Variants in BIRC6 observed in about 807,000 individuals in gnomAD.
BIRC6 encodes baculoviral IAP repeat containing 6, also known as dual E2 ubiquitin-conjugating enzyme/E3 ubiquitin-protein ligase BIRC6.
Under a neutral mutation model 503.3 loss-of-function variants are expected in BIRC6, and 98 were observed. That is an observed-to-expected ratio of 0.19 (90% CI 0.17 to 0.23). BIRC6 has a LOEUF of 0.23. BIRC6 is among the 10% of genes least tolerant of loss of function. The probability of loss-of-function intolerance (pLI) is 1.00; values close to 1 mark genes in which losing one functional copy is unlikely to be tolerated. For synonymous variants in BIRC6, 2,240 were observed against 2,078.7 expected (o/e 1.08, Z -2.11); for missense variants, 5,360 against 5,806.0 (o/e 0.92, Z 2.50).
rs111964960 is a variant in BIRC6 at position 32,469,585 on chromosome 2, G to T, written c.6318G>T (p.Ser2106=). Residue 2106 remains serine, a synonymous_variant, in exon 30 of 74, where the codon TCG becomes TCT. Transcript: ENST00000421745. ...LSNVLQELYN[S]EQLLIFPQDR... Reference sequence around the variant, plus strand: ...ATGTCCTTCAGGAATTGTACAATTCGGAACAGCTTCTCATCTTTCCACAGG... The same window carrying T: ...ATGTCCTTCAGGAATTGTACAATTCTGAACAGCTTCTCATCTTTCCACAGG... 6 of 1,613,450 alleles carry T rather than the reference G, an allele frequency of 3.7e-6. No homozygotes were observed. Among genetic ancestry groups the T allele is most frequent in the Non-Finnish European group, 5.1e-6 (6 of 1,179,596 alleles).
chr2:32,471,748 C>CCTAA (rs904115780), intron 32 of BIRC6, among the ~76,000 whole-genome samples: 11 of 151,904 alleles, frequency 7.2e-5, no homozygotes, highest in African/African-American at 2.4e-4. Flanking sequence ...ATTTGAGATA[C>CCTAA]CTAAATCCAG....
rs771865901 is a variant in BIRC6, at chr2:32,491,576, C to T, written c.8340+18C>T. On this transcript the variant is annotated intron_variant, in intron 44 of 73. Coordinates refer to ENST00000421745, the MANE Select transcript of BIRC6 (RefSeq NM_016252.4). ...GTCCACAGGTAATATGATGTTTAGC[C>T]TGGCATATGCCCAGACTATTCAATA... 6.8e-6 allele frequency: 11 copies of T among 1,610,192 alleles called. No homozygotes were observed. Among genetic ancestry groups the T allele is most frequent in the Non-Finnish European group, 9.3e-6 (11 of 1,178,282 alleles).
intron 10 of BIRC6, among the ~76,000 whole-genome samples, chr2:32,417,051 G>T (rs1312628565): frequency 6.6e-6 from 1 of 151,980 alleles, no homozygotes; most frequent in African/African-American, 2.4e-5. Flanking sequence ...TACCCAGGCT[G>T]GTCTTGAACT....
At chr2:32,429,556 A>G (rs910237749) in intron 11 of BIRC6, among the ~76,000 whole-genome samples, 15 of 135,952 alleles carry the variant, frequency 1.1e-4, no homozygotes, top group African/African-American at 3.8e-4. Flanking sequence ...ACTGGCTCAT[A>G]TTATTAATAT....
At chr2:32,364,490 C>G (rs913738098) in intron 1 of BIRC6, among the ~76,000 whole-genome samples, 1 of 152,152 alleles carries the variant, frequency 6.6e-6, no homozygotes, top group African/African-American at 2.4e-5. Context: ...ATCCGCCCGC[C>G]CTGGCCTCCC....
chr2:32,538,184 C>T (rs1385564248), intron 61 of BIRC6, among the ~76,000 whole-genome samples: 1 of 152,032 alleles, frequency 6.6e-6, no homozygotes, highest in African/African-American at 2.4e-5. Flanking sequence ...GAGTTTGATT[C>T]TTCCCTACTG....
At chr2:32,534,155 C>T (rs1376033137) in intron 61 of BIRC6, among the ~76,000 whole-genome samples, 1 of 151,900 alleles carries the variant, frequency 6.6e-6, no homozygotes, top group Non-Finnish European at 1.5e-5. Flanking sequence ...AGGAGGGTCA[C>T]CTGAGGTCAG....
At position 32,470,272 on chromosome 2, in the gene BIRC6, C is replaced by T; in HGVS notation, c.6452C>T (p.Pro2151Leu). 1 of 1,575,320 alleles carries T rather than the reference C, an allele frequency of 6.3e-7. No homozygotes were observed. ...LLDNLLSPLQ[P>L]QLPMHRRTEG... Reference sequence around the variant, plus strand: ...GATAATTTATTGTCACCTCTTCAGCCACAGTTACCCATGCATAGGAGGACA... The same window carrying T: ...GATAATTTATTGTCACCTCTTCAGCTACAGTTACCCATGCATAGGAGGACA... Residue 2151 changes from proline to leucine, a missense_variant, in exon 31 of 74, where the codon CCA (proline) becomes CTA (leucine). Pro to Leu is a moderately conservative substitution (Grantham distance 98). Coordinates refer to ENST00000421745, the MANE Select transcript of BIRC6 (RefSeq NM_016252.4).
chr2:32,587,248 A>G (rs1455090512), intron 66 of BIRC6, among the ~76,000 whole-genome samples: 1 of 152,126 alleles, frequency 6.6e-6, no homozygotes, highest in Non-Finnish European at 1.5e-5. Context: ...TTAGCTGGGA[A>G]TGATGGTGCG....
At position 32,448,848 on chromosome 2, in the gene BIRC6, G is replaced by A. The variant is rs755789464; in HGVS notation, c.4538G>A (p.Ser1513Asn). The part of the protein sequence containing the change: ...FDPVLFDLEM[S>N]GSSCKNVYNS... The stretch of plus-strand genomic sequence containing the variant: ...CCAGTCCTCTTTGATTTGGAGATGA[G>A]TGGCTCTTCTTGTAAAAATGTTTAT... The change falls in exon 22 of 74, where the codon AGT (serine) becomes AAT (asparagine). Residue 1513 changes from serine (S) to asparagine (N), a missense_variant. Ser to Asn is a conservative substitution (Grantham distance 46, BLOSUM62 1). Around this residue, in one of 16 missense-constraint regions of BIRC6, gnomAD observed 2,299 missense variants for 2,267.2 expected, o/e 1.01. Transcript: ENST00000421745. The A allele has an allele frequency of 1.2e-6, 2 of 1,613,146 alleles. No individual in the cohort carries two copies. Among genetic ancestry groups the A allele is most frequent in the Non-Finnish European group, 1.7e-6 (2 of 1,179,332 alleles).
At chr2:32,612,306 G>GCAGTTGTTTT (rs2062933651) in intron 73 of BIRC6, among the ~76,000 whole-genome samples, 1 of 152,180 alleles carries the variant, frequency 6.6e-6, no homozygotes, top group Non-Finnish European at 1.5e-5. Flanking sequence ...AGGGGAGAAA[G>GCAGTTGTTTT]CAGTTGTTTT....
At chr2:32,460,980 T>TTGCTC (rs147679280) in intron 23 of BIRC6, among the ~76,000 whole-genome samples, 62 of 146,850 alleles carry the variant, frequency 4.2e-4, no homozygotes, top group East Asian at 3.3e-3. Context: ...TGAGATGCAA[T>TTGCTC]TGCTCTGCTC....
intron 13 of BIRC6, 54 bp from the exon 14 acceptor site, chr2:32,435,442 T>C: frequency 9.5e-6 from 14 of 1,466,894 alleles, no homozygotes; most frequent in Non-Finnish European, 1.3e-5. Context: ...TACTAATATT[T>C]TTATCCTCTA....
At chr2:32,578,041 G>T (rs1322173642) in intron 66 of BIRC6, among the ~76,000 whole-genome samples, 1 of 152,000 alleles carries the variant, frequency 6.6e-6, no homozygotes, top group Admixed American at 6.6e-5. Flanking sequence ...ATTATATTTT[G>T]CATTAAGACT....
chr2:32,576,416 T>C (rs898398854), intron 66 of BIRC6, among the ~76,000 whole-genome samples: 1 of 152,232 alleles, frequency 6.6e-6, no homozygotes, highest in Non-Finnish European at 1.5e-5. Flanking sequence ...GACCTTTTCC[T>C]TTCTCATGGC....
At chr2:32,388,598 T>A (rs967904168) in intron 3 of BIRC6, among the ~76,000 whole-genome samples, 152 bp from the exon 4 acceptor site, 2 of 152,162 alleles carry the variant, frequency 1.3e-5, no homozygotes, top group Non-Finnish European at 2.9e-5. Flanking sequence ...TATTTTTTTT[T>A]ATAACTGCAA....
chr2:32,538,925 A>G (rs773354190), intron 61 of BIRC6, among the ~76,000 whole-genome samples: 8 of 149,420 alleles, frequency 5.4e-5, no homozygotes, highest in Non-Finnish European at 1.0e-4. Context: ...GAACAAATGA[A>G]TGAATGAATG....
chr2:32,468,815 G>T, intron 29 of BIRC6, 32 bp downstream of exon 29: 1 of 1,463,566 alleles, frequency 6.8e-7, no homozygotes, highest in Non-Finnish European at 9.3e-7. Flanking sequence ...TTTAAAGGCT[G>T]GGAATATACT....
At position 32,601,988 on chromosome 2, in the gene BIRC6, TAGAA is replaced by T. The variant is rs1394588119; in HGVS notation, c.13993-1012_13993-1009del. On this transcript the variant is annotated intron_variant, in intron 70 of 73. Coordinates refer to ENST00000421745, the MANE Select transcript of BIRC6 (RefSeq NM_016252.4). Reference sequence around the variant, plus strand: ...TAAGCTATTTTGCATTTTCAGAATTTAGAAAGAAATACACAAAAATATAAAATAG... The same window carrying T: ...TAAGCTATTTTGCATTTTCAGAATTTAGAAATACACAAAAATATAAAATAG... Among the ~76,000 whole-genome samples the T allele has an allele frequency of 3.3e-5, 5 of 152,324 alleles. No homozygotes were observed. In the South Asian group the frequency reaches 6.2e-4, roughly 19 times the overall value.
Sources: gnomAD v4.1 joint callset for allele counts (sites outside exome capture counted in the v4.1 genomes callset) on GRCh38, gnomAD v4.1.1 for gene constraint, gnomAD v4.1.1 regional missense constraint, MANE v1.5 for transcripts, NCBI Gene and HGNC (gene_info 2026-07-23, HGNC 2026-07-21) for gene names.